QTMAN: variants seen among roughly 807,000 people sequenced by gnomAD.
The protein encoded by QTMAN is tRNA-queuosine alpha-mannosyltransferase.
the QTMAN span, among the ~76,000 whole-genome samples, chr2:144,166,472 TACTC>T: frequency 1.3e-5 from 2 of 152,220 alleles, no homozygotes; most frequent in Non-Finnish European, 2.9e-5. Context: ...AGCATTATCT[TACTC>T]ACTCATCTTT....
At chr2:144,332,245 AGC>A in the QTMAN span, among the ~76,000 whole-genome samples, 1 of 151,410 alleles carries the variant, frequency 6.6e-6, no homozygotes, top group East Asian at 1.9e-4. Flanking sequence ...GCGCCCGGGA[AGC>A]GCGCGGCTCT....
At chr2:144,232,584 A>G in the QTMAN span, among the ~76,000 whole-genome samples, 13 of 152,222 alleles carry the variant, frequency 8.5e-5, no homozygotes, top group Non-Finnish European at 1.8e-4. Context: ...GACAATTTTT[A>G]AAATAAAGAT....
chr2:144,026,031 G>C, the QTMAN span, among the ~76,000 whole-genome samples: 1 of 152,140 alleles, frequency 6.6e-6, no homozygotes, highest in Non-Finnish European at 1.5e-5. Flanking sequence ...CTGGCTTGTG[G>C]CTAATTTCTT....
At chr2:144,185,404 A>C in the QTMAN span, among the ~76,000 whole-genome samples, 1 of 152,162 alleles carries the variant, frequency 6.6e-6, no homozygotes, top group Non-Finnish European at 1.5e-5. Context: ...ACAGCAACTC[A>C]ATGCTACCCT....
At chr2:144,097,377 T>C in the QTMAN span, among the ~76,000 whole-genome samples, 1 of 152,210 alleles carries the variant, frequency 6.6e-6, no homozygotes, top group Admixed American at 6.5e-5. Flanking sequence ...TGACTCCTAC[T>C]CCATGAGGAG....
At chr2:144,228,500 T>C in the QTMAN span, among the ~76,000 whole-genome samples, 1 of 152,194 alleles carries the variant, frequency 6.6e-6, no homozygotes, top group South Asian at 2.1e-4. Flanking sequence ...TAGTATGGTA[T>C]ATAACATTCA....
At chr2:144,110,619 A>C in the QTMAN span, among the ~76,000 whole-genome samples, 1 of 149,650 alleles carries the variant, frequency 6.7e-6, no homozygotes. Context: ...TTGTTCTCCT[A>C]TATTCAGTTT....
At chr2:144,326,243 C>T in the QTMAN span, among the ~76,000 whole-genome samples, 251 of 152,252 alleles carry the variant, frequency 1.6e-3, no homozygotes, top group Middle Eastern at 0.01. Flanking sequence ...AATTAAATGT[C>T]CTGTCAGGTG....
chr2:143,989,569 A>G, the QTMAN span, among the ~76,000 whole-genome samples: 3 of 152,194 alleles, frequency 2.0e-5, no homozygotes, highest in African/African-American at 7.2e-5. Flanking sequence ...GCAGGTAAGG[A>G]GCAGAACGTG....
At chr2:144,019,163 G>C in the QTMAN span, among the ~76,000 whole-genome samples, 376 of 152,164 alleles carry the variant, frequency 2.5e-3, 2 homozygotes, top group East Asian at 0.019. Context: ...GGTCAGATTG[G>C]GTCTGAATAA....
the QTMAN span, among the ~76,000 whole-genome samples, chr2:144,001,601 T>G: frequency 5.3e-5 from 8 of 152,030 alleles, no homozygotes; most frequent in East Asian, 1.9e-4. Flanking sequence ...TTTCAAACTT[T>G]TTAACATGCC....
At chr2:144,184,920 T>C in the QTMAN span, among the ~76,000 whole-genome samples, 6 of 152,072 alleles carry the variant, frequency 3.9e-5, no homozygotes, top group Non-Finnish European at 7.4e-5. Flanking sequence ...TCAGAAAACC[T>C]AACCGTAAAT....
the QTMAN span, among the ~76,000 whole-genome samples, chr2:144,105,933 G>C: frequency 2.0e-5 from 3 of 152,200 alleles, no homozygotes; most frequent in African/African-American, 7.2e-5. Context: ...ATCCAGAAGA[G>C]AGTGGGGGGC....
At chr2:144,133,271 A>G in the QTMAN span, among the ~76,000 whole-genome samples, 1 of 36,144 alleles carries the variant, frequency 2.8e-5, no homozygotes, top group South Asian at 5.5e-4. Flanking sequence ...ATATAAATAT[A>G]TATTTATATA....
At chr2:144,038,372 TAC>T in the QTMAN span, among the ~76,000 whole-genome samples, 2 of 152,188 alleles carry the variant, frequency 1.3e-5, no homozygotes, top group Non-Finnish European at 2.9e-5. Context: ...GTGTTATATA[TAC>T]GTTTGTCTCA....
chr2:144,087,174 G>A, the QTMAN span, among the ~76,000 whole-genome samples: 7 of 151,912 alleles, frequency 4.6e-5, no homozygotes, highest in Non-Finnish European at 7.4e-5. Context: ...ACAAACTAAA[G>A]GACAATGAGG....
At chr2:144,209,378 A>C in the QTMAN span, among the ~76,000 whole-genome samples, 1 of 152,236 alleles carries the variant, frequency 6.6e-6, no homozygotes, top group East Asian at 1.9e-4. Context: ...CCAAATGCAA[A>C]TCTCTATTTT....
chr2:144,240,021 T>A, the QTMAN span, among the ~76,000 whole-genome samples: 5 of 152,180 alleles, frequency 3.3e-5, no homozygotes, highest in Non-Finnish European at 5.9e-5. Flanking sequence ...AAAATTCATT[T>A]CAATTTATTA....
the QTMAN span, among the ~76,000 whole-genome samples, chr2:144,314,104 T>C: frequency 6.6e-6 from 1 of 152,178 alleles, no homozygotes; most frequent in Non-Finnish European, 1.5e-5. Context: ...AAAATTCTGT[T>C]TATAGTGATA....
Sources: allele counts gnomAD v4.1 joint callset (sites outside exome capture counted in the v4.1 genomes callset), GRCh38; gene constraint gnomAD v4.1.1; transcripts MANE v1.5; gene names NCBI Gene and HGNC (gene_info 2026-07-23, HGNC 2026-07-21).